SLFN12L: variants seen among roughly 807,000 people sequenced by gnomAD.
SLFN12L encodes the protein schlafen family member 12 like.
In SLFN12L, 34 loss-of-function variants were observed where a neutral mutation model predicts 34.8. That is an observed-to-expected ratio of 0.98 (90% CI 0.74 to 1.30). The LOEUF is 1.30. Among genes scored for constraint, SLFN12L ranks in the 50% most tolerant of loss-of-function variants. SLFN12L has a pLI of 0.00. For missense variants in SLFN12L, 703 were observed against 696.2 expected (o/e 1.01, Z -0.11); for synonymous variants, 259 against 247.5 (o/e 1.05, Z -0.44).
chr17:35,510,496 G>A (rs1915603172), intron 2 of SLFN12L, among the ~76,000 whole-genome samples: 1 of 152,218 alleles, frequency 6.6e-6, no homozygotes, highest in Non-Finnish European at 1.5e-5. Context: ...AAAGAAGCCA[G>A]TCATAAAAGG....
In SLFN12L at chr17:35,467,043, G is replaced by A. The variant is rs773461624; in HGVS notation, c.*7880C>T. Among the ~76,000 whole-genome samples the A allele has an allele frequency of 6.6e-5, 10 of 152,136 alleles. No homozygotes were observed. Among genetic ancestry groups the A allele is most frequent in the Non-Finnish European group, 1.5e-4 (10 of 68,010 alleles). On this transcript the variant is annotated 3_prime_UTR_variant, in exon 5 of 5. Coordinates refer to ENST00000628453, the MANE Select transcript of SLFN12L (RefSeq NM_001363830.2). ...TGTCTCAAGGAGGCTACCAAGTCCT[G>A]GGCTCTCTAGCATATTCACACGCAG...
At chr17:35,484,621 G>A (rs1355097811) in intron 2 of SLFN12L, among the ~76,000 whole-genome samples, 4 of 152,038 alleles carry the variant, frequency 2.6e-5, no homozygotes, top group Non-Finnish European at 4.4e-5. Context: ...AGAAACCCTG[G>A]GACTTGTGGC....
At chr17:35,480,321 G>T in intron 2 of SLFN12L, 126 bp from the exon 3 acceptor site, 2 of 636,468 alleles carry the variant, frequency 3.1e-6, no homozygotes, top group Non-Finnish European at 4.9e-6. Flanking sequence ...ATGGGTCTGA[G>T]ATAACTAATT....
At chr17:35,535,352 A>G (rs1041745046) in intron 1 of SLFN12L, among the ~76,000 whole-genome samples, 2 of 149,882 alleles carry the variant, frequency 1.3e-5, no homozygotes, top group Non-Finnish European at 3.0e-5. Flanking sequence ...CACCTTGCCT[A>G]GCTAATTTTT....
At chr17:35,498,127 G>C (rs983223547) in intron 2 of SLFN12L, 29 of 605,428 alleles carry the variant, frequency 4.8e-5, no homozygotes, top group African/African-American at 1.5e-4. Flanking sequence ...CGGTCAGAGC[G>C]AGACCTGCAG....
rs539568049 is a variant in SLFN12L, at chr17:35,531,807, AT to A, written c.-606+5765del. On this transcript the variant is annotated intron_variant, in intron 1 of 4. Transcript: ENST00000628453. ...AACTTTTTAAATTTTTTTTATTTTT[AT>A]TTTTTTAATAGAGATGGGGTTTCAT... is the stretch of plus-strand genomic sequence containing the variant. 4.0e-5 allele frequency among the ~76,000 whole-genome samples: 6 copies of A among 151,468 alleles called. No individual in the cohort carries two copies. In the South Asian group the frequency reaches 1.0e-3, roughly 26 times the overall value.
intron 2 of SLFN12L, chr17:35,490,279 C>A: frequency 6.7e-7 from 1 of 1,503,578 alleles, no homozygotes; most frequent in Non-Finnish European, 9.2e-7. Context: ...CAAAAACCCC[C>A]AAGGGCAAAG....
At chr17:35,511,062 T>G (rs764008701) in intron 2 of SLFN12L, among the ~76,000 whole-genome samples, 4 of 152,222 alleles carry the variant, frequency 2.6e-5, no homozygotes, top group Non-Finnish European at 5.9e-5. Context: ...ATTTTCATGT[T>G]TATCTTATTC....
chr17:35,490,663 C>T lies in SLFN12L; in HGVS notation c.87-10468G>A, dbSNP rs889927985. On this transcript the variant is annotated intron_variant, in intron 2 of 4. Coordinates refer to ENST00000628453, the MANE Select transcript of SLFN12L (RefSeq NM_001363830.2). ...AGATGAACTGATCCCAAGCTGCACG[C>T]TGGACCTCAAACTATTAACCGAGGA... 29 of 994,890 alleles carry T rather than the reference C, an allele frequency of 2.9e-5. No homozygotes were observed. In the East Asian group the frequency reaches 5.7e-4, roughly 20 times the overall value. The allele number at this position is 994,890 out of a possible 1,614,324, so 61.6% of individuals were successfully genotyped here.
chr17:35,534,698 C>T (rs2072442506), intron 1 of SLFN12L, among the ~76,000 whole-genome samples: 1 of 152,170 alleles, frequency 6.6e-6, no homozygotes, highest in South Asian at 2.1e-4. Context: ...TGGATAAGAA[C>T]CAGAATGGGC....
At chr17:35,482,257 A>G (rs12951829) in intron 2 of SLFN12L, among the ~76,000 whole-genome samples, 3,590 of 152,388 alleles carry the variant, frequency 0.024, 59 homozygotes, top group South Asian at 0.049. Context: ...AACACCCAAC[A>G]TGATGGGCGT....
chr17:35,530,771 G>A (rs1023668237), intron 1 of SLFN12L, among the ~76,000 whole-genome samples: 5 of 152,172 alleles, frequency 3.3e-5, no homozygotes, highest in Admixed American at 3.3e-4. Flanking sequence ...GGGCTCCTAA[G>A]ACTCTCAGAA....
intron 2 of SLFN12L, among the ~76,000 whole-genome samples, chr17:35,489,598 A>G (rs1914749949): frequency 6.6e-6 from 1 of 151,562 alleles, no homozygotes; most frequent in South Asian, 2.1e-4. Flanking sequence ...GCAGCAATAT[A>G]CCCCCCAAAA....
At chr17:35,498,681 C>T (rs759594448) in intron 2 of SLFN12L, 54 of 1,589,826 alleles carry the variant, frequency 3.4e-5, no homozygotes, top group East Asian at 4.5e-5. Context: ...CTTCAAGCTT[C>T]GAGCATTCCT....
intron 2 of SLFN12L, among the ~76,000 whole-genome samples, chr17:35,521,457 T>C (rs1915994073): frequency 6.6e-6 from 1 of 152,232 alleles, no homozygotes; most frequent in African/African-American, 2.4e-5. Flanking sequence ...TAACTTAAAT[T>C]TTAAAAGCAT....
At chr17:35,505,761 A>G (rs567610751) in intron 2 of SLFN12L, among the ~76,000 whole-genome samples, 1 of 152,328 alleles carries the variant, frequency 6.6e-6, no homozygotes, top group Admixed American at 6.5e-5. Context: ...GACTCTGAAG[A>G]AGACGAGAAG....
chr17:35,516,622 A>G lies in SLFN12L; in HGVS notation c.86+5657T>C, dbSNP rs151027769. ...AGGGGTGACAACCGGAAATATCTCC[A>G]GATATTATGTCCCTTGGAGGGCAAA... On this transcript the variant is annotated intron_variant, in intron 2 of 4. Coordinates refer to ENST00000628453, the MANE Select transcript of SLFN12L (RefSeq NM_001363830.2). Among the ~76,000 whole-genome samples the G allele has an allele frequency of 2.1e-3, 318 of 152,324 alleles. 4 individuals carry two copies. The highest frequency in any genetic ancestry group is 7.2e-3 in the African/African-American group (299 of 41,574).
intron 2 of SLFN12L, among the ~76,000 whole-genome samples, chr17:35,519,942 C>T (rs560614321): frequency 6.6e-6 from 1 of 152,280 alleles, no homozygotes; most frequent in South Asian, 2.1e-4. Flanking sequence ...TAACCGCTCT[C>T]TTTTGCAGTT....
chr17:35,484,305 G>A (rs1914488422), intron 2 of SLFN12L, among the ~76,000 whole-genome samples: 1 of 152,152 alleles, frequency 6.6e-6, no homozygotes, highest in African/African-American at 2.4e-5. Context: ...GAAATATTTA[G>A]AAACAAAGCA....
Sources: allele counts gnomAD v4.1 joint callset (sites outside exome capture counted in the v4.1 genomes callset), GRCh38; gene constraint gnomAD v4.1.1; transcripts MANE v1.5; gene names NCBI Gene and HGNC (gene_info 2026-07-23, HGNC 2026-07-21).